Variants in CACNA1G observed in about 807,000 individuals in gnomAD.
The protein encoded by CACNA1G is voltage-dependent T-type calcium channel subunit alpha-1G.
A neutral mutation model predicts 219.4 loss-of-function variants in CACNA1G; 67 were observed. The ratio of observed to expected loss-of-function variants is 0.31; its 90% CI spans 0.25 to 0.37. The LOEUF (loss-of-function observed/expected upper bound fraction) is 0.37. CACNA1G is among the 10% of genes least tolerant of loss of function. CACNA1G has a pLI of 1.00. For missense variants in CACNA1G, 2,380 were observed against 3,231.4 expected, an observed-to-expected ratio of 0.74 and a Z score of 6.39; for synonymous variants, 1,296 against 1,345.3, an observed-to-expected ratio of 0.96 and a Z score of 0.80.
chr17:50,601,818 G>A (rs1598491494), intron 19 of CACNA1G, among the ~76,000 whole-genome samples: 1 of 152,254 alleles, frequency 6.6e-6, no homozygotes, highest in South Asian at 2.1e-4. Flanking sequence ...GATGGGTGGG[G>A]GGTGGTTGTG....
In CACNA1G at chr17:50,607,806, G is replaced by C. The variant is rs1349048933; in HGVS notation, c.4513-21G>C. 8 of 1,610,352 alleles carry C rather than the reference G, an allele frequency of 5.0e-6. No homozygotes were observed. In the African/African-American group the frequency reaches 1.1e-4, roughly 22 times the overall value. ...TGCCCTCGGGCTGATGCCTCCGCCTGTCCTTCCTGCTCCCCGCCAGCCCAT... is the reference window on the plus strand; with the variant it reads ...TGCCCTCGGGCTGATGCCTCCGCCTCTCCTTCCTGCTCCCCGCCAGCCCAT... On this transcript the variant is annotated intron_variant, in intron 24 of 37. Transcript: ENST00000359106.
chr17:50,577,712 A>G (rs746408979), intron 8 of CACNA1G, among the ~76,000 whole-genome samples: 1 of 151,316 alleles, frequency 6.6e-6, no homozygotes, highest in Non-Finnish European at 1.5e-5. Context: ...TCCAAATAGT[A>G]TACATGTGTA....
At chr17:50,582,891 A>G (rs2042246109) in intron 9 of CACNA1G, among the ~76,000 whole-genome samples, 1 of 151,904 alleles carries the variant, frequency 6.6e-6, no homozygotes, top group Non-Finnish European at 1.5e-5. Flanking sequence ...GACTCTGCTC[A>G]TTGCTCACAC....
chr17:50,584,380 C>A (rs965774055), intron 9 of CACNA1G, among the ~76,000 whole-genome samples: 1 of 151,772 alleles, frequency 6.6e-6, no homozygotes, highest in South Asian at 2.1e-4. Flanking sequence ...TGCTCAGGGT[C>A]GGGGAAGCCA....
Position 50,575,973 on chromosome 17 carries a change from G to A in CACNA1G, c.1571G>A (p.Arg524Lys). Reference sequence around the variant, plus strand: ...CGGGCCAGCCCGGAGATCCAGGACAGGGATGCCAATGGGTCCCGCCGGCTC... The same window carrying A: ...CGGGCCAGCCCGGAGATCCAGGACAAGGATGCCAATGGGTCCCGCCGGCTC... The part of the protein sequence containing the change: ...APRASPEIQD[R>K]DANGSRRLML... Residue 524 changes from arginine to lysine, a missense_variant, in exon 8 of 38, where the codon AGG (arginine) becomes AAG (lysine). Around this residue, in one of 17 missense-constraint regions of CACNA1G, gnomAD observed 434 missense variants for 417.3 expected, o/e 1.04. Transcript: ENST00000359106. 6.4e-7 allele frequency: 1 copy of A among 1,552,550 alleles called. No individual in the cohort carries two copies. The highest frequency in any genetic ancestry group is 8.7e-7 in the Non-Finnish European group (1 of 1,148,324).
intron 16 of CACNA1G, among the ~76,000 whole-genome samples, chr17:50,599,025 G>T (rs1412380670): frequency 6.6e-6 from 1 of 152,178 alleles, no homozygotes; most frequent in Non-Finnish European, 1.5e-5. Flanking sequence ...ACCGTGCCCA[G>T]CCCTGTGTCT....
chr17:50,588,546 C>T (rs1174219853), intron 9 of CACNA1G, among the ~76,000 whole-genome samples: 1 of 152,174 alleles, frequency 6.6e-6, no homozygotes, highest in Non-Finnish European at 1.5e-5. Flanking sequence ...ATGCATTGAT[C>T]CTGGCCCCGC....
intron 8 of CACNA1G, among the ~76,000 whole-genome samples, chr17:50,577,898 G>C (rs773694855): frequency 6.6e-5 from 10 of 152,118 alleles, no homozygotes; most frequent in Admixed American, 1.3e-4. Context: ...CTTGCTGAAG[G>C]CACCTAGGAT....
At position 50,626,196 on chromosome 17, in the gene CACNA1G, G is replaced by A. The variant is rs57667003; in HGVS notation, c.6579G>A (p.Pro2193=). The part of the protein sequence containing the change: ...SHSKISKHMT[P]PAPCPGPEPN... ...GCAAGATCTCCAAGCACATGACCCC[G>A]CCAGCCCCTTGCCCAGGCCCAGAAC... Residue 2193 remains proline, a synonymous_variant, in exon 38 of 38, where the codon CCG becomes CCA. Transcript: ENST00000359106. The surrounding 1 kb of genome is among the most constrained non-coding windows in gnomAD (Gnocchi z 4.3). 2.2e-4 allele frequency: 354 copies of A among 1,613,864 alleles called. 6 individuals carry two copies. In the African/African-American group the frequency reaches 3.2e-3, roughly 14 times the overall value.
rs909320309 is a variant in CACNA1G, at chr17:50,602,005, G to A, written c.3916-815G>A. Among the ~76,000 whole-genome samples the A allele has an allele frequency of 9.2e-5, 14 of 152,140 alleles. No individual in the cohort carries two copies. In the South Asian group the frequency reaches 1.9e-3, roughly 20 times the overall value. ...TGGCGGGAGCAGCCCAAGACTAGGC[G>A]GGTGAGAGAGCACCCGCACTGGGGA... On this transcript the variant is annotated intron_variant, in intron 19 of 37. Coordinates refer to ENST00000359106, the MANE Select transcript of CACNA1G (RefSeq NM_018896.5).
intron 35 of CACNA1G, among the ~76,000 whole-genome samples, chr17:50,622,833 C>T (rs2052499013): frequency 6.6e-6 from 1 of 152,184 alleles, no homozygotes; most frequent in African/African-American, 2.4e-5. Context: ...AATTTGGCCT[C>T]CACCCTCACC....
At chr17:50,567,842 C>T (rs558421620) in intron 1 of CACNA1G, among the ~76,000 whole-genome samples, 1 of 152,240 alleles carries the variant, frequency 6.6e-6, no homozygotes, top group African/African-American at 2.4e-5. Context: ...ATGAGTCACC[C>T]CATAGAATCC....
rs562933523 is a variant in CACNA1G at position 50,599,712 on chromosome 17, A to G, written c.3543A>G (p.Pro1181=). Residue 1181 remains proline, a synonymous_variant, in exon 17 of 38, where the codon CCA becomes CCG. Coordinates refer to ENST00000359106, the MANE Select transcript of CACNA1G (RefSeq NM_018896.5). ...ACCTGCCAGACACACTGCAGGTGCC[A>G]GGGCTGCATCGCACTGCCAGTGGCC... ...SFDLPDTLQV[P]GLHRTASGRG... is the part of the protein sequence containing the mutation. 26 of 1,613,520 alleles carry G rather than the reference A, an allele frequency of 1.6e-5. No homozygotes were observed. In the East Asian group the frequency reaches 5.6e-4, roughly 35 times the overall value.
In CACNA1G at chr17:50,615,341, T is replaced by C. The variant is rs1395589210; in HGVS notation, c.4760-20T>C. Reference sequence around the variant, plus strand: ...GGCAGGGGCCTGACGCTTGCTCTGCTCTTCCCCCTGCCCCATCAGAAGCCC... The same window carrying C: ...GGCAGGGGCCTGACGCTTGCTCTGCCCTTCCCCCTGCCCCATCAGAAGCCC... On this transcript the variant is annotated intron_variant, in intron 26 of 37. Transcript: ENST00000359106. The C allele has an allele frequency of 3.8e-6, 6 of 1,566,994 alleles. No homozygotes were observed. The highest frequency in any genetic ancestry group is 1.7e-5 in the Admixed American group (1 of 58,606).
chr17:50,619,065 G>T, intron 33 of CACNA1G, 57 bp downstream of exon 33: 1 of 1,373,818 alleles, frequency 7.3e-7, no homozygotes. Flanking sequence ...AGGGTGTGGA[G>T]GGTGGTGGGC....
Position 50,599,426 on chromosome 17 carries a change from A to G in CACNA1G, c.3259-2A>G. 1 of 1,537,966 alleles carries G rather than the reference A, an allele frequency of 6.5e-7. No homozygotes were observed. Among genetic ancestry groups the G allele is most frequent in the Admixed American group, 2.0e-5 (1 of 50,690 alleles). On this transcript the variant is annotated splice_acceptor_variant, in intron 16 of 37. Coordinates refer to ENST00000359106, the MANE Select transcript of CACNA1G (RefSeq NM_018896.5). LOFTEE classifies it high-confidence loss of function. ...GACCACTCCTCCCCTGCTCACCCACAGCCCAGCGCCCGCAGCTCTCCGCAC... is the reference window on the plus strand; with the variant it reads ...GACCACTCCTCCCCTGCTCACCCACGGCCCAGCGCCCGCAGCTCTCCGCAC...
chr17:50,615,430 G>T lies in CACNA1G; in HGVS notation c.4829G>T (p.Ser1610Ile). ...CTCCTCGTCCACCACTTGTGCACCA[G>T]CCACTACCTGGACCTCTTCATCACA... ...FRLLVHHLCT[S>I]HYLDLFITGV... The change falls in exon 27 of 38, where the codon AGC (serine) becomes ATC (isoleucine). Residue 1610 changes from serine (S) to isoleucine (I), a missense_variant. Ser to Ile is a moderately radical substitution (Grantham distance 142). This residue lies in a region of CACNA1G where 123 missense variants were observed against 258.4 expected (regional missense o/e 0.48). Transcript: ENST00000359106. 1.2e-6 allele frequency: 2 copies of T among 1,613,474 alleles called. No homozygotes were observed. Among genetic ancestry groups the T allele is most frequent in the Non-Finnish European group, 1.7e-6 (2 of 1,179,516 alleles).
At chr17:50,624,277 G>T in intron 36 of CACNA1G, 83 bp from the exon 37 acceptor site, 1 of 1,310,618 alleles carries the variant, frequency 7.6e-7, no homozygotes, top group Non-Finnish European at 1.1e-6. Flanking sequence ...GTGGAAGGGA[G>T]GGCTCAGGTG....
chr17:50,580,147 G>A (rs1033803016), intron 9 of CACNA1G, among the ~76,000 whole-genome samples: 2 of 152,056 alleles, frequency 1.3e-5, no homozygotes, highest in Non-Finnish European at 2.9e-5. Context: ...GCGGGTGGGC[G>A]CACTTGACAC....
Sources: gnomAD v4.1 joint callset for allele counts (sites outside exome capture counted in the v4.1 genomes callset) on GRCh38, gnomAD v4.1.1 for gene constraint, gnomAD v4.1.1 regional missense constraint, Gnocchi (gnomAD v3.1) non-coding constraint, MANE v1.5 for transcripts, NCBI Gene and HGNC (gene_info 2026-07-23, HGNC 2026-07-21) for gene names.